CPSF3: variants seen among roughly 807,000 people sequenced by gnomAD.
CPSF3 encodes the protein cleavage and polyadenylation specific factor 3.
A neutral mutation model predicts 84.1 loss-of-function variants in CPSF3; 57 were observed. The ratio of observed to expected loss-of-function variants is 0.68; its 90% CI spans 0.55 to 0.85. The LOEUF is 0.85. Among genes scored for constraint, CPSF3 ranks in the 40% least tolerant of loss-of-function variants. The pLI is 0.00. For missense variants in CPSF3, 522 were observed against 838.8 expected (o/e 0.62, Z 4.66); for synonymous variants, 275 against 278.1 (o/e 0.99, Z 0.11).
intron 9 of CPSF3, among the ~76,000 whole-genome samples, chr2:9,442,572 TG>T (rs1165074034): frequency 1.3e-5 from 2 of 152,110 alleles, no homozygotes; most frequent in Non-Finnish European, 2.9e-5. Context: ...ATTTCCAGGC[TG>T]GGTGCAGTGG....
intron 11 of CPSF3, among the ~76,000 whole-genome samples, chr2:9,452,326 A>G (rs1435299573): frequency 8.6e-6 from 1 of 115,636 alleles, no homozygotes; most frequent in Non-Finnish European, 1.6e-5. Flanking sequence ...ACACTGTCTC[A>G]AAAAAAAAAA....
At chr2:9,462,750 A>G (rs1681774096) in intron 15 of CPSF3, among the ~76,000 whole-genome samples, 1 of 152,230 alleles carries the variant, frequency 6.6e-6, no homozygotes, top group Non-Finnish European at 1.5e-5. Flanking sequence ...TTATCACTAT[A>G]TTATTAGTAA....
chr2:9,429,249 G>A (rs1013341851), intron 2 of CPSF3, among the ~76,000 whole-genome samples: 4 of 152,208 alleles, frequency 2.6e-5, no homozygotes, highest in African/African-American at 9.7e-5. Flanking sequence ...TGCCGGCCTT[G>A]GCCAAGTCAC....
At chr2:9,436,984 T>C (rs1214933107) in intron 7 of CPSF3, among the ~76,000 whole-genome samples, 1 of 152,138 alleles carries the variant, frequency 6.6e-6, no homozygotes, top group Non-Finnish European at 1.5e-5. Context: ...GTATTCATCA[T>C]TTTAGTATTT....
At chr2:9,440,880 G>T (rs1371519383) in intron 8 of CPSF3, among the ~76,000 whole-genome samples, 2 of 152,208 alleles carry the variant, frequency 1.3e-5, no homozygotes, top group Non-Finnish European at 1.5e-5. Context: ...CGTAGGCAGT[G>T]CTTGTCAGTG....
chr2:9,456,223 C>T (rs934067024), intron 13 of CPSF3, among the ~76,000 whole-genome samples: 11 of 152,116 alleles, frequency 7.2e-5, no homozygotes, highest in Non-Finnish European at 1.5e-5. Flanking sequence ...GAAAATAAAC[C>T]TAGTCTGCTT....
intron 7 of CPSF3, 121 bp from the exon 8 acceptor site, chr2:9,440,369 AG>A: frequency 2.4e-6 from 2 of 836,370 alleles, no homozygotes; most frequent in Non-Finnish European, 3.6e-6. Context: ...TTTAAAATAT[AG>A]TTGTGTGCTT....
chr2:9,467,929 G>A (rs1558467471), intron 16 of CPSF3, 153 bp downstream of exon 16: 2 of 611,420 alleles, frequency 3.3e-6, no homozygotes, highest in Admixed American at 3.1e-5. Flanking sequence ...AAAGAGAGGG[G>A]CTGGAACCGT....
chr2:9,441,857 A>G lies in CPSF3; in HGVS notation c.976A>G (p.Met326Val). The part of the protein sequence containing the change: ...HFDDIGPSVV[M>V]ASPGMMQSGL... ...TGATGACATTGGTCCCAGTGTTGTA[A>G]TGGCCTCCCCAGGCATGATGCAAAG... The change falls in exon 9 of 18, where the codon ATG becomes GTG. Residue 326 changes from methionine to valine, a missense_variant. By Grantham distance (21) the Met-to-Val change is conservative. Transcript: ENST00000238112. The G allele has an allele frequency of 6.2e-7, 1 of 1,614,152 alleles. No homozygotes were observed. Among genetic ancestry groups the G allele is most frequent in the Non-Finnish European group, 8.5e-7 (1 of 1,180,028 alleles).
At chr2:9,458,104 C>A (rs974451935) in intron 14 of CPSF3, among the ~76,000 whole-genome samples, 3 of 152,104 alleles carry the variant, frequency 2.0e-5, no homozygotes, top group African/African-American at 7.2e-5. Context: ...AGGCTAAAAG[C>A]AACTAAAGAA....
chr2:9,471,784 A>G (rs1387514881), intron 17 of CPSF3, among the ~76,000 whole-genome samples: 1 of 151,372 alleles, frequency 6.6e-6, no homozygotes, highest in African/African-American at 2.4e-5. Flanking sequence ...ATCCAAGTGG[A>G]TTTTCCAAAC....
At chr2:9,431,605 C>T (rs573475913) in intron 4 of CPSF3, among the ~76,000 whole-genome samples, 3 of 138,394 alleles carry the variant, frequency 2.2e-5, no homozygotes, top group South Asian at 2.2e-4. Context: ...AGTGCAGTGG[C>T]GCTATCTTAG....
chr2:9,465,087 T>C (rs1681856804), intron 15 of CPSF3, among the ~76,000 whole-genome samples: 1 of 152,186 alleles, frequency 6.6e-6, no homozygotes, highest in Admixed American at 6.5e-5. Context: ...TAGAATAGTT[T>C]AGGAGAAATG....
rs36115189 is a variant in CPSF3 at position 9,454,539 on chromosome 2, C to CTTTT, written c.1505-1102_1505-1099dup. Among the ~76,000 whole-genome samples the CTTTT allele has an allele frequency of 1.4e-4, 12 of 87,982 alleles. 1 individual carries two copies. The highest frequency in any genetic ancestry group is 2.9e-4 in the African/African-American group (6 of 20,912). The allele number at this position is 87,982 out of a possible 152,430, so 57.7% of individuals were successfully genotyped here. A position where few individuals can be genotyped will look rare whatever the true frequency, so the allele number is the denominator to read the frequency against. On this transcript the variant is annotated intron_variant, in intron 12 of 17. Coordinates refer to ENST00000238112, the MANE Select transcript of CPSF3 (RefSeq NM_016207.4). The stretch of plus-strand genomic sequence containing the variant: ...TTCTGAGTTAGTGAGCTCTTATACT[C>CTTTT]TTTTTTTTTTTTTTTTTTTTTGAGA...
chr2:9,437,186 T>G (rs1680814025), intron 7 of CPSF3, among the ~76,000 whole-genome samples: 1 of 152,060 alleles, frequency 6.6e-6, no homozygotes, highest in Admixed American at 6.6e-5. Flanking sequence ...GGCAGATCAC[T>G]TGAGGCCAGG....
At chr2:9,465,359 A>C (rs544984256) in intron 15 of CPSF3, among the ~76,000 whole-genome samples, 34 of 152,260 alleles carry the variant, frequency 2.2e-4, no homozygotes, top group African/African-American at 7.9e-4. Context: ...TGAGAGGATC[A>C]CTTGAGCCCA....
intron 15 of CPSF3, among the ~76,000 whole-genome samples, chr2:9,460,829 T>C (rs1681705655): frequency 1.3e-5 from 2 of 152,150 alleles, no homozygotes; most frequent in Non-Finnish European, 2.9e-5. Flanking sequence ...TGTTTTGAGC[T>C]GTGAGTCTCC....
intron 16 of CPSF3, among the ~76,000 whole-genome samples, chr2:9,469,490 G>A (rs190589429): frequency 6.6e-6 from 1 of 152,332 alleles, no homozygotes; most frequent in Admixed American, 6.5e-5. Context: ...TCTCCCACGT[G>A]CTGCAGTCGG....
At chr2:9,465,542 TAC>T (rs59250489) in intron 15 of CPSF3, among the ~76,000 whole-genome samples, 10,467 of 149,616 alleles carry the variant, frequency 0.07, 1,214 homozygotes, top group African/African-American at 0.24. Flanking sequence ...CCCCATATCA[TAC>T]ACACACACAC....
Sources: allele counts gnomAD v4.1 joint callset (sites outside exome capture counted in the v4.1 genomes callset), GRCh38; gene constraint gnomAD v4.1.1; transcripts MANE v1.5; gene names NCBI Gene and HGNC (gene_info 2026-07-23, HGNC 2026-07-21).